Variants in OGFOD1 observed in about 807,000 individuals in gnomAD.
OGFOD1 encodes the protein prolyl 3-hydroxylase OGFOD1.
Under a neutral mutation model 67.7 loss-of-function variants are expected in OGFOD1, and 54 were observed. The observed-to-expected ratio is 0.80, with a 90% CI of 0.64 to 1.00. The LOEUF (loss-of-function observed/expected upper bound fraction) is 1.00, where lower values mean the gene tolerates loss of function less well. Among genes scored for constraint, OGFOD1 ranks in the 50% least tolerant of loss-of-function variants. The probability of loss-of-function intolerance (pLI) is 0.00; values close to 1 mark genes in which losing one functional copy is unlikely to be tolerated. For missense variants in OGFOD1, 606 were observed against 646.7 expected (o/e 0.94, Z 0.68); for synonymous variants, 221 against 227.0 (o/e 0.97, Z 0.24).
intron 5 of OGFOD1, among the ~76,000 whole-genome samples, 162 bp downstream of exon 5, chr16:56,466,430 T>C (rs1264203536): frequency 6.6e-6 from 1 of 152,232 alleles, no homozygotes; most frequent in Non-Finnish European, 1.5e-5. Context: ...ATGCCAGCCC[T>C]GACAACCACC....
chr16:56,466,776 C>T (rs1470505501), intron 5 of OGFOD1, 100 bp from the exon 6 acceptor site: 2 of 837,158 alleles, frequency 2.4e-6, no homozygotes, highest in Non-Finnish European at 2.0e-6. Context: ...CTGAAGGGCA[C>T]ATCTAGATGC....
At position 56,468,249 on chromosome 16, in the gene OGFOD1, A is replaced by AACAC. The variant is rs369185879; in HGVS notation, c.900+245_900+248dup. ...TATTCCCCAGTTCTCTAGAGTCTTAAACACACACACACACACAAGCTTCCA... is the reference window on the plus strand; with the variant it reads ...TATTCCCCAGTTCTCTAGAGTCTTAAACACACACACACACACACACAAGCTTCCA... On this transcript the variant is annotated intron_variant, in intron 8 of 12. Transcript: ENST00000566157. Among the ~76,000 whole-genome samples, 55 of 151,698 alleles carry AACAC rather than the reference A, an allele frequency of 3.6e-4. No individual in the cohort carries two copies. The South Asian group carries it at 6.2e-3, about 17-fold the overall frequency.
At chr16:56,458,876 T>C (rs1165893163) in intron 3 of OGFOD1, 6 of 407,120 alleles carry the variant, frequency 1.5e-5, no homozygotes, top group South Asian at 1.3e-4. Context: ...GGAGATACCA[T>C]TTTTCACATG....
chr16:56,475,509 T>G lies in OGFOD1; in HGVS notation c.1411T>G (p.Trp471Gly), dbSNP rs374544044. The change falls in exon 12 of 13, where the codon TGG (tryptophan) becomes GGG (glycine). Residue 471 changes from tryptophan to glycine, a missense_variant and splice_region_variant. Physicochemically the swap from Trp to Gly is radical, Grantham distance 184 (BLOSUM62 -2). Coordinates refer to ENST00000566157, the MANE Select transcript of OGFOD1 (RefSeq NM_018233.4). The part of the protein sequence containing the change: ...DLILYCGCEG[W>G]EPEYGGFTSY... The stretch of plus-strand genomic sequence containing the variant: ...GCTGTTTGTTTTTCTCTTGTAAGGC[T>G]GGGAGCCAGAATATGGCGGTTTTAC... The G allele has an allele frequency of 6.2e-7, 1 of 1,614,052 alleles. No homozygotes were observed. Among genetic ancestry groups the G allele is most frequent in the Non-Finnish European group, 8.5e-7 (1 of 1,179,910 alleles).
chr16:56,473,189 C>G (rs1456289936), intron 10 of OGFOD1, among the ~76,000 whole-genome samples: 3 of 152,172 alleles, frequency 2.0e-5, no homozygotes, highest in Admixed American at 6.5e-5. Context: ...CCTGGCCTCC[C>G]AAAGTGCTGG....
At position 56,467,237 on chromosome 16, in the gene OGFOD1, C is replaced by G; in HGVS notation, c.730C>G (p.Arg244Gly). ...CTGGTTTCATGGTCCATCATTGACT[C>G]GGCCTCCCAACTACTTTGAACCCCC... is the stretch of plus-strand genomic sequence containing the variant. The part of the protein sequence containing the change: ...SGWFHGPSLT[R>G]PPNYFEPPIP... The change falls in exon 7 of 13, where the codon CGG becomes GGG. Residue 244 changes from arginine to glycine, a missense_variant. Physicochemically the swap from Arg to Gly is moderately radical, Grantham distance 125. Transcript: ENST00000566157. The G allele has an allele frequency of 6.2e-7, 1 of 1,614,088 alleles. No individual in the cohort carries two copies. The highest frequency in any genetic ancestry group is 1.3e-5 in the African/African-American group (1 of 75,004).
intron 10 of OGFOD1, among the ~76,000 whole-genome samples, chr16:56,471,365 G>GAA (rs755598469): frequency 4.3e-5 from 4 of 92,580 alleles, no homozygotes; most frequent in Admixed American, 1.1e-4. Context: ...ACATCTCAAA[G>GAA]AAAAAAAAAA....
In OGFOD1 at chr16:56,476,282, A is replaced by C; in HGVS notation, c.*77A>C. 1 of 1,358,354 alleles carries C rather than the reference A, an allele frequency of 7.4e-7. No individual in the cohort carries two copies. 84.1% of individuals were successfully genotyped at this position (1,358,354 alleles called of 1,614,324 possible). A position where few individuals can be genotyped will look rare whatever the true frequency, so the allele number is the denominator to read the frequency against. The stretch of plus-strand genomic sequence containing the variant: ...GTCTGAAAGAGCTAAGCATGGAGTC[A>C]AGGAGAACTACATGGTAGCTTGCCT... On this transcript the variant is annotated 3_prime_UTR_variant, in exon 13 of 13. Transcript: ENST00000566157.
rs1277767437 is a variant in OGFOD1, at chr16:56,477,162, T to C, written c.*957T>C. 2 of 152,104 alleles carry C rather than the reference T, an allele frequency of 1.3e-5. No individual in the cohort carries two copies. The highest frequency in any genetic ancestry group is 2.9e-5 in the Non-Finnish European group (2 of 68,024). The allele number at this position is 152,104 out of a possible 1,614,324, so 9.4% of individuals were successfully genotyped here. ...AAAAAGAAGAAAAAAACATAAGTGA[T>C]TGCAGAATTTTGTTCTTCTCATAAT... On this transcript the variant is annotated 3_prime_UTR_variant, in exon 13 of 13. Transcript: ENST00000566157.
chr16:56,465,588 T>A (rs1274668716), intron 4 of OGFOD1: 1 of 152,706 alleles, frequency 6.5e-6, no homozygotes, highest in African/African-American at 2.4e-5. Context: ...TTTTAGAAGT[T>A]CCCCTCAAGA....
At position 56,474,945 on chromosome 16, in the gene OGFOD1, G is replaced by C. The variant is rs1190188725; in HGVS notation, c.1403G>C (p.Cys468Ser). Reference sequence around the variant, plus strand: ...CTAGACTTAATTCTGTACTGTGGCTGTGAAGGTAAGAGGGAGGAAAGCAAG... The same window carrying C: ...CTAGACTTAATTCTGTACTGTGGCTCTGAAGGTAAGAGGGAGGAAAGCAAG... The part of the protein sequence containing the change: ...FALDLILYCG[C>S]EGWEPEYGGF... Residue 468 changes from cysteine to serine, a missense_variant, in exon 11 of 13, where the codon TGT becomes TCT. By Grantham distance (112) the Cys-to-Ser change is moderately radical. Coordinates refer to ENST00000566157, the MANE Select transcript of OGFOD1 (RefSeq NM_018233.4). 3.1e-6 allele frequency: 5 copies of C among 1,613,494 alleles called. No individual in the cohort carries two copies. The highest frequency in any genetic ancestry group is 1.7e-5 in the Admixed American group (1 of 59,956).
At chr16:56,452,662 C>T (rs533425444) in intron 1 of OGFOD1, among the ~76,000 whole-genome samples, 1 of 152,256 alleles carries the variant, frequency 6.6e-6, no homozygotes, top group South Asian at 2.1e-4. Context: ...TAATGTCTCC[C>T]TCAGAGCTGT....
chr16:56,459,094 A>T (rs1358755974), intron 3 of OGFOD1, among the ~76,000 whole-genome samples: 2 of 152,164 alleles, frequency 1.3e-5, no homozygotes, highest in African/African-American at 4.8e-5. Flanking sequence ...TAATCCCAGC[A>T]CTTTGGGAGG....
Position 56,463,720 on chromosome 16 carries a change from A to ATT in OGFOD1, c.448+1101_448+1102dup, listed in dbSNP as rs59952507. Among the ~76,000 whole-genome samples, 774 of 140,836 alleles carry ATT rather than the reference A, an allele frequency of 5.5e-3. 3 individuals are homozygous for ATT. The highest frequency in any genetic ancestry group is 8.4e-3 in the Non-Finnish European group (541 of 64,358). The allele number at this position is 140,836 out of a possible 152,430, so 92.4% of individuals were successfully genotyped here. On this transcript the variant is annotated intron_variant, in intron 4 of 12. Transcript: ENST00000566157. ...TACAGGTGTGAGCTACCATGCCAGT[A>ATT]TTTTTTTTTTTTTTTTACTTTGAAG... is the stretch of plus-strand genomic sequence containing the variant.
At position 56,464,785 on chromosome 16, in the gene OGFOD1, G is replaced by A. The variant is rs73547670; in HGVS notation, c.449-1367G>A. On this transcript the variant is annotated intron_variant, in intron 4 of 12. Transcript: ENST00000566157. ...TTATCTTTGTATTTTCCATGCCAAC[G>A]TCCTAGAATGACCTGGAGTTGGCCA... 3.2e-3 allele frequency among the ~76,000 whole-genome samples: 483 copies of A among 151,610 alleles called. 3 individuals carry two copies. The highest frequency in any genetic ancestry group is 0.011 in the African/African-American group (449 of 41,254).
In OGFOD1 at chr16:56,470,632, A is replaced by T; in HGVS notation, c.1126A>T (p.Met376Leu). ...HFLAPSEEDE[M>L]NDKKEAETTD... ...CTTGGCCCCTTCGGAAGAAGATGAG[A>T]TGAATGATAAAAAAGAGGCAGAAAC... Residue 376 changes from methionine (M) to leucine (L), a missense_variant, in exon 10 of 13, where the codon ATG (methionine) becomes TTG (leucine). Physicochemically the swap from Met to Leu is conservative, Grantham distance 15. Transcript: ENST00000566157. 6.2e-7 allele frequency: 1 copy of T among 1,614,206 alleles called. No homozygotes were observed. The highest frequency in any genetic ancestry group is 8.5e-7 in the Non-Finnish European group (1 of 1,180,038).
At position 56,476,583 on chromosome 16, in the gene OGFOD1, G is replaced by A. The variant is rs1963486928; in HGVS notation, c.*378G>A. The stretch of plus-strand genomic sequence containing the variant: ...GTGGATTAAGTACATTCTCATTGTT[G>A]TCCAGCCATCACCATCATCCATCTC... On this transcript the variant is annotated 3_prime_UTR_variant, in exon 13 of 13. Transcript: ENST00000566157. The A allele has an allele frequency of 6.4e-6, 1 of 155,244 alleles. No homozygotes were observed. The highest frequency in any genetic ancestry group is 6.5e-5 in the Admixed American group (1 of 15,358). The allele number at this position is 155,244 out of a possible 1,614,324, so 9.6% of individuals were successfully genotyped here.
rs780051114 is a variant in OGFOD1 at position 56,453,454 on chromosome 16, C to T, written c.300+46C>T. The T allele has an allele frequency of 7.6e-6, 12 of 1,585,526 alleles. No homozygotes were observed. The East Asian group carries it at 2.7e-4, about 36-fold the overall frequency. The stretch of plus-strand genomic sequence containing the variant: ...TTAACTCTTCCAGCTTGGAAATTCA[C>T]TGTCTATGAAGTCATTGAATACCTT... On this transcript the variant is annotated intron_variant, in intron 2 of 12. Transcript: ENST00000566157.
chr16:56,475,609 AATGCTT>A (rs756988504), intron 12 of OGFOD1, 44 bp downstream of exon 12: 26 of 1,572,320 alleles, frequency 1.7e-5, no homozygotes, highest in Non-Finnish European at 2.2e-5. Flanking sequence ...AGTTATTGAG[AATGCTT>A]TCATTTTTCA....
Sources: allele counts gnomAD v4.1 joint callset (sites outside exome capture counted in the v4.1 genomes callset), GRCh38; gene constraint gnomAD v4.1.1; transcripts MANE v1.5; gene names NCBI Gene and HGNC (gene_info 2026-07-23, HGNC 2026-07-21).